Variants in DCC observed in about 807,000 individuals in gnomAD.
DCC encodes the protein netrin receptor DCC.
In DCC, 58 loss-of-function variants were observed where a neutral mutation model predicts 172.5. The observed-to-expected ratio is 0.34, with a 90% confidence interval of 0.27 to 0.42. The LOEUF (loss-of-function observed/expected upper bound fraction) is 0.42, where lower values mean the gene tolerates loss of function less well. DCC is among the 10% of genes least tolerant of loss of function. The pLI is 1.00. For synonymous variants in DCC, 709 were observed against 644.5 expected (o/e 1.10, Z -1.52); for missense variants, 1,740 against 1,791.0 (o/e 0.97, Z 0.51).
intron 3 of DCC, among the ~76,000 whole-genome samples, chr18:52,908,954 C>T (rs1277860450): frequency 2.6e-5 from 4 of 152,208 alleles, no homozygotes; most frequent in African/African-American, 9.6e-5. Flanking sequence ...CTTGGCTAAG[C>T]CTGTCTCGTA....
intron 1 of DCC, among the ~76,000 whole-genome samples, chr18:52,679,115 C>T (rs934741832): frequency 3.3e-5 from 5 of 151,864 alleles, no homozygotes; most frequent in Admixed American, 6.6e-5. Context: ...CAGGGTATAA[C>T]AATTTCTCTT....
chr18:52,880,407 C>T (rs2039466362), intron 2 of DCC, among the ~76,000 whole-genome samples: 1 of 152,180 alleles, frequency 6.6e-6, no homozygotes, highest in South Asian at 2.1e-4. Context: ...CCTCAGCCTC[C>T]CAAAGTGTTA....
rs779518696 is a variant in DCC at position 52,373,887 on chromosome 18, C to CT, written c.91+33009_91+33010insT. Among the ~76,000 whole-genome samples, 437 of 141,090 alleles carry CT rather than the reference C, an allele frequency of 3.1e-3. 13 individuals are homozygous for CT. The highest frequency in any genetic ancestry group is 0.01 in the African/African-American group (392 of 37,784). 92.6% of individuals were successfully genotyped at this position (141,090 alleles called of 152,430 possible). Reference sequence around the variant, plus strand: ...ATCAATGAAGCATATTTGGTTGCATCATTTTTTTTTTTTTTTTTTTTTTGA... The same window carrying CT: ...ATCAATGAAGCATATTTGGTTGCATCTATTTTTTTTTTTTTTTTTTTTTTGA... On this transcript the variant is annotated intron_variant, in intron 1 of 28. Transcript: ENST00000442544.
At chr18:52,361,630 C>T (rs1443579) in intron 1 of DCC, among the ~76,000 whole-genome samples, 27,334 of 152,140 alleles carry the variant, frequency 0.18, 2,539 homozygotes, top group South Asian at 0.25. Flanking sequence ...GCCAGCCAAC[C>T]TCCATATCAC....
Position 53,215,579 on chromosome 18 carries a change from G to A in DCC, c.1893G>A (p.Leu631=). The A allele has an allele frequency of 6.2e-7, 1 of 1,613,712 alleles. No individual in the cohort carries two copies. Among genetic ancestry groups the A allele is most frequent in the Non-Finnish European group, 8.5e-7 (1 of 1,179,718 alleles). The stretch of plus-strand genomic sequence containing the variant: ...GTGCCCCGCCTCAGAACGTCTCCCT[G>A]GAAGTGGTCAATTCAAGAGTAAGTT... ...VPSAPPQNVS[L]EVVNSRSIKV... is the part of the protein sequence containing the mutation. Residue 631 remains leucine (L), a synonymous_variant, in exon 12 of 29, where the codon CTG becomes CTA. Coordinates refer to ENST00000442544, the MANE Select transcript of DCC (RefSeq NM_005215.4).
At chr18:53,367,608 C>A (rs908398102) in intron 15 of DCC, among the ~76,000 whole-genome samples, 7 of 152,086 alleles carry the variant, frequency 4.6e-5, no homozygotes, top group Non-Finnish European at 1.0e-4. Flanking sequence ...AGCCATCGAA[C>A]CGTACATCTC....
At chr18:53,053,677 A>G (rs1244470039) in intron 5 of DCC, among the ~76,000 whole-genome samples, 1 of 152,170 alleles carries the variant, frequency 6.6e-6, no homozygotes, top group Non-Finnish European at 1.5e-5. Flanking sequence ...AAATACCAAC[A>G]GGGAATACTA....
chr18:53,142,549 G>A (rs12457233), intron 7 of DCC, among the ~76,000 whole-genome samples: 4 of 151,954 alleles, frequency 2.6e-5, no homozygotes, highest in South Asian at 4.1e-4. Context: ...CCACATTAGC[G>A]CTGATCTTTA....
intron 1 of DCC, among the ~76,000 whole-genome samples, chr18:52,462,581 TC>T (rs1057260987): frequency 1.2e-4 from 19 of 152,100 alleles, no homozygotes; most frequent in Non-Finnish European, 2.5e-4. Flanking sequence ...TGTGAGGCCG[TC>T]CCTGAGCTCC....
intron 12 of DCC, among the ~76,000 whole-genome samples, chr18:53,298,744 A>G (rs1368522812): frequency 3.9e-5 from 6 of 151,912 alleles, no homozygotes; most frequent in Non-Finnish European, 8.8e-5. Flanking sequence ...AGGGCTTTGT[A>G]TGGGAAAGCT....
chr18:53,239,938 C>A (rs141539865), intron 12 of DCC, among the ~76,000 whole-genome samples: 3 of 142,322 alleles, frequency 2.1e-5, no homozygotes, highest in Non-Finnish European at 4.5e-5. Flanking sequence ...GGCAGAGCAA[C>A]GAAGGCAATG....
intron 2 of DCC, among the ~76,000 whole-genome samples, chr18:52,803,640 A>G (rs2038034270): frequency 6.6e-6 from 1 of 152,152 alleles, no homozygotes; most frequent in Admixed American, 6.5e-5. Context: ...TTTTCAAATT[A>G]TTGCAAATCT....
At chr18:53,487,514 C>T (rs2045915698) in intron 26 of DCC, among the ~76,000 whole-genome samples, 1 of 145,266 alleles carries the variant, frequency 6.9e-6, no homozygotes, top group Non-Finnish European at 1.5e-5. Flanking sequence ...GTGATTTCTG[C>T]TGTGCCATTT....
intron 1 of DCC, among the ~76,000 whole-genome samples, chr18:52,702,373 C>T (rs1599031522): frequency 6.6e-6 from 1 of 152,082 alleles, no homozygotes; most frequent in East Asian, 1.9e-4. Flanking sequence ...CCTTTGAAAG[C>T]CACCCCAAAA....
At chr18:52,967,424 C>A (rs1402776403) in intron 5 of DCC, among the ~76,000 whole-genome samples, 1 of 152,166 alleles carries the variant, frequency 6.6e-6, no homozygotes, top group Non-Finnish European at 1.5e-5. Flanking sequence ...TCTGCCAAGG[C>A]AACCAAGTGT....
intron 1 of DCC, among the ~76,000 whole-genome samples, chr18:52,558,826 T>C (rs2032974000): frequency 6.6e-6 from 1 of 152,212 alleles, no homozygotes; most frequent in Non-Finnish European, 1.5e-5. Flanking sequence ...AGGCTCATTA[T>C]GTTCTCATAA....
intron 9 of DCC, among the ~76,000 whole-genome samples, chr18:53,186,354 T>C (rs935321376): frequency 6.6e-6 from 1 of 152,206 alleles, no homozygotes; most frequent in African/African-American, 2.4e-5. Context: ...AGTTTGGTTA[T>C]ATGCCCTACT....
intron 1 of DCC, among the ~76,000 whole-genome samples, chr18:52,601,418 C>G (rs1026529699): frequency 2.6e-5 from 4 of 151,942 alleles, no homozygotes; most frequent in African/African-American, 9.7e-5. Context: ...AACATCTAAT[C>G]TCCTGTTATC....
At chr18:52,523,853 T>C (rs1325304609) in intron 1 of DCC, among the ~76,000 whole-genome samples, 1 of 152,224 alleles carries the variant, frequency 6.6e-6, no homozygotes, top group East Asian at 1.9e-4. Flanking sequence ...TAGTTAACAA[T>C]GTGTAATTTG....
Sources: gnomAD v4.1 joint callset for allele counts (sites outside exome capture counted in the v4.1 genomes callset) on GRCh38, gnomAD v4.1.1 for gene constraint, MANE v1.5 for transcripts, NCBI Gene and HGNC (gene_info 2026-07-23, HGNC 2026-07-21) for gene names.